DYSF: variants seen among roughly 807,000 people sequenced by gnomAD.
DYSF encodes the protein dystrophy-associated fer-1-like 1.
DYSF carries 212 observed loss-of-function variants against 274.9 expected under a neutral mutation model. The ratio of observed to expected loss-of-function variants is 0.77; its 90% confidence interval spans 0.69 to 0.86. The LOEUF is 0.86. DYSF is among the 40% of genes least tolerant of loss of function. The pLI, the probability that DYSF is intolerant of heterozygous loss-of-function variation, is 0.00. For synonymous variants in DYSF, 1,091 were observed against 1,078.7 expected (o/e 1.01, Z -0.22); for missense variants, 2,666 against 2,783.2 (o/e 0.96, Z 0.95).
At chr2:71,481,805 A>G in intron 2 of DYSF, 74 bp from the exon 3 acceptor site, 1 of 1,264,458 alleles carries the variant, frequency 7.9e-7, no homozygotes, top group Non-Finnish European at 1.1e-6. Context: ...CCCTGGTGGC[A>G]CGAAGGTGAA....
intron 3 of DYSF, 62 bp from the exon 4 acceptor site, chr2:71,503,152 C>A: frequency 6.8e-7 from 1 of 1,469,676 alleles, no homozygotes; most frequent in Non-Finnish European, 9.5e-7. Context: ...AGTGAGGGGT[C>A]TGGCAGAAGA....
intron 32 of DYSF, among the ~76,000 whole-genome samples, chr2:71,595,324 CCT>C (rs937130047): frequency 6.6e-5 from 10 of 152,142 alleles, no homozygotes; most frequent in African/African-American, 2.4e-4. Context: ...GCGATCCCAC[CCT>C]CTCTGAAGGG....
intron 3 of DYSF, among the ~76,000 whole-genome samples, chr2:71,499,460 T>C (rs1467318346): frequency 6.6e-6 from 1 of 152,218 alleles, no homozygotes; most frequent in Non-Finnish European, 1.5e-5. Flanking sequence ...TAAAATAAAA[T>C]TGTTTTGATT....
chr2:71,581,346 T>C (rs948273160), intron 30 of DYSF, among the ~76,000 whole-genome samples: 3 of 152,232 alleles, frequency 2.0e-5, no homozygotes, highest in Admixed American at 6.5e-5. Flanking sequence ...TGGCTCCAGC[T>C]GTAAATTAAA....
At position 71,561,731 on chromosome 2, in the gene DYSF, C is replaced by A. The variant is rs369725390; in HGVS notation, c.2217-21C>A. ...GAGCCCTGGGCTCATCAGGCGCATT[C>A]CATCTGTCCGTCCCTCACAGCCAGC... On this transcript the variant is annotated intron_variant, in intron 22 of 55. Transcript: ENST00000410020. 214 of 1,613,968 alleles carry A rather than the reference C, an allele frequency of 1.3e-4. 1 individual carries two copies. The highest frequency in any genetic ancestry group is 1.7e-4 in the Non-Finnish European group (201 of 1,179,962).
intron 13 of DYSF, among the ~76,000 whole-genome samples, chr2:71,527,591 G>A (rs78181774): frequency 6.6e-6 from 1 of 151,970 alleles, no homozygotes; most frequent in African/African-American, 2.4e-5. Flanking sequence ...AACGTTGTTT[G>A]AAAAAAACAA....
At chr2:71,570,064 C>G (rs999063407) in intron 27 of DYSF, 130 bp downstream of exon 27, 3 of 1,106,842 alleles carry the variant, frequency 2.7e-6, no homozygotes, top group Non-Finnish European at 4.1e-6. Flanking sequence ...CTTTGATTTC[C>G]AAAGGGAAAG....
intron 48 of DYSF, among the ~76,000 whole-genome samples, chr2:71,668,358 C>G (rs139639776): frequency 6.6e-6 from 1 of 152,174 alleles, no homozygotes; most frequent in African/African-American, 2.4e-5. Flanking sequence ...ATTCACACCT[C>G]GCTTGCAGAG....
chr2:71,599,947 T>G (rs769003270), intron 33 of DYSF, among the ~76,000 whole-genome samples: 9 of 151,790 alleles, frequency 5.9e-5, no homozygotes, highest in Non-Finnish European at 1.3e-4. Flanking sequence ...AATGAGCAAC[T>G]GGAGGAAGAG....
chr2:71,656,967 G>A (rs2094786759), intron 43 of DYSF, among the ~76,000 whole-genome samples: 1 of 152,158 alleles, frequency 6.6e-6, no homozygotes, highest in South Asian at 2.1e-4. Context: ...AACCAATTAT[G>A]CCTTCCTTAG....
At chr2:71,461,185 A>G (rs555370160) in intron 1 of DYSF, among the ~76,000 whole-genome samples, 4 of 152,142 alleles carry the variant, frequency 2.6e-5, no homozygotes, top group Non-Finnish European at 5.9e-5. Flanking sequence ...TCCACAGTCT[A>G]GCTAGACACG....
intron 17 of DYSF, among the ~76,000 whole-genome samples, chr2:71,543,708 G>A (rs1468207882): frequency 6.6e-6 from 1 of 152,228 alleles, no homozygotes; most frequent in African/African-American, 2.4e-5. Flanking sequence ...AAAAAAATAC[G>A]AAAACCAGTC....
At position 71,520,880 on chromosome 2, in the gene DYSF, G is replaced by A. The variant is rs754388533; in HGVS notation, c.1125G>A (p.Val375=). 3.1e-6 allele frequency: 5 copies of A among 1,614,166 alleles called. No individual in the cohort carries two copies. The South Asian group carries it at 5.5e-5, about 18-fold the overall frequency. Residue 375 remains valine, a synonymous_variant, in exon 12 of 56, where the codon GTG becomes GTA. Coordinates refer to ENST00000410020, the MANE Select transcript of DYSF (RefSeq NM_001130987.2). ...ARGYLKTSLC[V]LGPGDEAPLE... ...GCTACCTGAAAACAAGCCTTTGTGT[G>A]CTGGGGCCTGGGGACGAAGCGCCTG...
intron 26 of DYSF, among the ~76,000 whole-genome samples, chr2:71,568,627 C>G (rs887576011): frequency 2.6e-5 from 4 of 150,994 alleles, no homozygotes; most frequent in African/African-American, 9.8e-5. Flanking sequence ...GTAGCATGAT[C>G]GCAGCTCATT....
intron 3 of DYSF, among the ~76,000 whole-genome samples, chr2:71,493,307 T>G (rs1210768271): frequency 6.6e-6 from 1 of 152,236 alleles, no homozygotes; most frequent in East Asian, 1.9e-4. Flanking sequence ...ATTCAGCCTG[T>G]GGTCCATATT....
intron 42 of DYSF, among the ~76,000 whole-genome samples, chr2:71,650,690 T>G (rs1411328239): frequency 6.6e-6 from 1 of 152,088 alleles, no homozygotes; most frequent in Non-Finnish European, 1.5e-5. Context: ...CTGATTGTAA[T>G]GCAATAAAAT....
At chr2:71,518,186 C>T (rs1406691789) in intron 10 of DYSF, among the ~76,000 whole-genome samples, 1 of 152,046 alleles carries the variant, frequency 6.6e-6, no homozygotes, top group Non-Finnish European at 1.5e-5. Context: ...AACCGAGAGC[C>T]AATGGATTTA....
chr2:71,606,616 A>G (rs902499615), intron 36 of DYSF, among the ~76,000 whole-genome samples: 1 of 151,662 alleles, frequency 6.6e-6, no homozygotes, highest in African/African-American at 2.4e-5. Flanking sequence ...AGACCTCAGG[A>G]CTCCTGCCTG....
intron 32 of DYSF, among the ~76,000 whole-genome samples, chr2:71,596,018 T>TTG (rs1215401019): frequency 7.9e-5 from 12 of 151,532 alleles, no homozygotes; most frequent in African/African-American, 2.7e-4. Context: ...TTTTTTTTTT[T>TTG]TGAGGAGTGG....
Sources: gnomAD v4.1 joint callset for allele counts (sites outside exome capture counted in the v4.1 genomes callset) on GRCh38, gnomAD v4.1.1 for gene constraint, MANE v1.5 for transcripts, NCBI Gene and HGNC (gene_info 2026-07-23, HGNC 2026-07-21) for gene names.